Variants in RBL2 observed in about 807,000 individuals in gnomAD.
RBL2 encodes the protein retinoblastoma-like protein 2.
In RBL2, 56 loss-of-function variants were observed where a neutral mutation model predicts 126.0. The ratio of observed to expected loss-of-function variants is 0.44; its 90% CI spans 0.36 to 0.56. The LOEUF (loss-of-function observed/expected upper bound fraction) is 0.56. Ranked by LOEUF, RBL2 falls within the 20% of genes least tolerant of loss-of-function variation. The pLI is 0.00. For missense variants in RBL2, 1,229 were observed against 1,398.2 expected (o/e 0.88, Z 1.93); for synonymous variants, 454 against 478.5 (o/e 0.95, Z 0.67).
intron 12 of RBL2, 107 bp downstream of exon 12, chr16:53,464,470 A>G (rs1378773634): frequency 1.0e-6 from 1 of 970,848 alleles, no homozygotes; most frequent in African/African-American, 1.7e-5. Flanking sequence ...TTCTGTTTTT[A>G]TTTACATAGT....
At chr16:53,442,216 G>GT (rs2058023556) in intron 2 of RBL2, among the ~76,000 whole-genome samples, 1 of 152,152 alleles carries the variant, frequency 6.6e-6, no homozygotes, top group South Asian at 2.1e-4. Context: ...GGAAGCCAAA[G>GT]TAGGAGGATC....
intron 1 of RBL2, chr16:53,435,488 C>G: frequency 1.7e-5 from 16 of 955,906 alleles, no homozygotes; most frequent in Non-Finnish European, 2.2e-5. Flanking sequence ...TGTTGCGATC[C>G]GGGTGTGTTA....
In RBL2 at chr16:53,454,819, A is replaced by ATCTT. The variant is rs1307630100; in HGVS notation, c.1157_1160dup (p.Leu387PhefsTer7). 1 of 1,611,506 alleles carries ATCTT rather than the reference A, an allele frequency of 6.2e-7. No individual in the cohort carries two copies. The highest frequency in any genetic ancestry group is 1.7e-5 in the Admixed American group (1 of 59,798). ...TGCTGAAAGGGTGCAGATGAAAAAC[A>ATCTT]TCTTACAGCAGCATTTTGACAAGGT... On this transcript the variant is annotated frameshift_variant, in exon 8 of 22. Transcript: ENST00000262133. LOFTEE classifies it high-confidence loss of function.
rs763967250 is a variant in RBL2 at position 53,434,686 on chromosome 16, C to G, written c.130C>G (p.Gln44Glu). The G allele has an allele frequency of 6.4e-7, 1 of 1,572,950 alleles. No homozygotes were observed. The highest frequency in any genetic ancestry group is 1.8e-5 in the Admixed American group (1 of 55,616). ...GCCGCCTGCCGAGTCGCCCACCCCT[C>G]AGATCCAGCAGCGGTTCGACGAGCT... The part of the protein sequence containing the change: ...AAPPAESPTP[Q>E]IQQRFDELCS... The change falls in exon 1 of 22, where the codon CAG (glutamine) becomes GAG (glutamate). Residue 44 changes from glutamine to glutamate, a missense_variant. By Grantham distance (29) the Gln-to-Glu change is conservative (BLOSUM62 2). Coordinates refer to ENST00000262133, the MANE Select transcript of RBL2 (RefSeq NM_005611.4).
chr16:53,471,560 C>T (rs1448754265), intron 17 of RBL2, among the ~76,000 whole-genome samples: 1 of 152,032 alleles, frequency 6.6e-6, no homozygotes, highest in East Asian at 1.9e-4. Context: ...CCTCTGCCTC[C>T]CAGGTTCAAG....
intron 1 of RBL2, among the ~76,000 whole-genome samples, chr16:53,437,283 T>C (rs2057967948): frequency 6.6e-6 from 1 of 151,830 alleles, no homozygotes; most frequent in East Asian, 1.9e-4. Flanking sequence ...CTCCCAGAGA[T>C]ATATGTGATA....
chr16:53,453,343 T>G, intron 5 of RBL2, 109 bp from the exon 6 acceptor site: 2 of 997,798 alleles, frequency 2.0e-6, no homozygotes, highest in Non-Finnish European at 2.9e-6. Context: ...TCCTATACAT[T>G]TGTATGCTAA....
chr16:53,455,599 A>T (rs2058159604), intron 8 of RBL2, among the ~76,000 whole-genome samples: 1 of 151,966 alleles, frequency 6.6e-6, no homozygotes, highest in Admixed American at 6.5e-5. Context: ...AATATATAGT[A>T]TGTTGGGTGA....
At chr16:53,443,971 A>G (rs2058039037) in intron 3 of RBL2, among the ~76,000 whole-genome samples, 1 of 152,190 alleles carries the variant, frequency 6.6e-6, no homozygotes, top group Admixed American at 6.6e-5. Flanking sequence ...ATTCTGAGCC[A>G]GGCGGGTTGG....
At chr16:53,464,187 T>G (rs769533167) in intron 11 of RBL2, 39 bp from the exon 12 acceptor site, 1 of 1,437,306 alleles carries the variant, frequency 7.0e-7, no homozygotes, top group South Asian at 1.4e-5. Context: ...CTTTTTAGAC[T>G]AAGTAAATGT....
intron 4 of RBL2, 63 bp from the exon 5 acceptor site, chr16:53,451,640 A>T: frequency 1.3e-6 from 2 of 1,550,092 alleles, no homozygotes; most frequent in Non-Finnish European, 1.8e-6. Context: ...AAAGGAAGAA[A>T]TTTTTTAAAA....
intron 17 of RBL2, among the ~76,000 whole-genome samples, 157 bp downstream of exon 17, chr16:53,471,079 A>G (rs1723793081): frequency 6.6e-6 from 1 of 152,250 alleles, no homozygotes; most frequent in African/African-American, 2.4e-5. Context: ...TATGTGCAAT[A>G]CTCACCACAA....
At chr16:53,486,202 G>A (rs1369708922) in intron 21 of RBL2, among the ~76,000 whole-genome samples, 1 of 151,736 alleles carries the variant, frequency 6.6e-6, no homozygotes, top group Non-Finnish European at 1.5e-5. Flanking sequence ...TTGGGAGGCT[G>A]AGGTGGGAGG....
chr16:53,478,620 T>C (rs964060966), intron 17 of RBL2, among the ~76,000 whole-genome samples: 1 of 151,038 alleles, frequency 6.6e-6, no homozygotes, highest in Non-Finnish European at 1.5e-5. Context: ...TTTACTGTAC[T>C]TTTCTACTCC....
chr16:53,467,741 A>G (rs772206051), intron 14 of RBL2, among the ~76,000 whole-genome samples: 8 of 152,218 alleles, frequency 5.3e-5, no homozygotes, highest in Non-Finnish European at 1.2e-4. Flanking sequence ...TTTATTTATG[A>G]GCATACAAAA....
rs910266767 is a variant in RBL2 at position 53,451,759 on chromosome 16, GC to G, written c.695del (p.Ala232ValfsTer4). The G allele has an allele frequency of 6.2e-7, 1 of 1,613,366 alleles. No individual in the cohort carries two copies. Among genetic ancestry groups the G allele is most frequent in the African/African-American group, 1.3e-5 (1 of 74,882 alleles). On this transcript the variant is annotated frameshift_variant, in exon 5 of 22. Coordinates refer to ENST00000262133, the MANE Select transcript of RBL2 (RefSeq NM_005611.4). LOFTEE classifies it high-confidence loss of function. ...LVNSYHLLLC[A>X]LDLVYGNALQ... ...CAATTCTTATCACCTGCTGCTGTGT[GC>G]TTTGGACTTAGTTTATGGAAATGCA...
In RBL2 at chr16:53,480,718, C is replaced by T. The variant is rs201148402; in HGVS notation, c.3033C>T (p.Asn1011=). The change falls in exon 20 of 22, where the codon AAC becomes AAT. Residue 1011 remains asparagine (N), a synonymous_variant. Transcript: ENST00000262133. ...ERGDLIQFYN[N]IYIKQIKTFA... ...GAGACCTCATTCAGTTCTACAACAA[C>T]ATCTACATCAAACAGATTAAGACAT... 75 of 1,613,400 alleles carry T rather than the reference C, an allele frequency of 4.6e-5. No individual in the cohort carries two copies. In the East Asian group the frequency reaches 1.6e-3, roughly 35 times the overall value.
chr16:53,481,897 G>C, intron 21 of RBL2, 62 bp downstream of exon 21: 1 of 1,514,724 alleles, frequency 6.6e-7, no homozygotes, highest in South Asian at 1.1e-5. Flanking sequence ...CTAGAAACAG[G>C]GTTTGTGCTA....
chr16:53,435,563 C>T, intron 1 of RBL2: 10 of 1,218,170 alleles, frequency 8.2e-6, no homozygotes, highest in Non-Finnish European at 1.0e-5. Context: ...TGAGTGTCAG[C>T]TTTGTATGCA....
Sources: allele counts gnomAD v4.1 joint callset (sites outside exome capture counted in the v4.1 genomes callset), GRCh38; gene constraint gnomAD v4.1.1; transcripts MANE v1.5; gene names NCBI Gene and HGNC (gene_info 2026-07-23, HGNC 2026-07-21).